Variants in PDLIM5 observed in about 807,000 individuals in gnomAD.
PDLIM5 encodes the protein PDZ and LIM domain 5, also known as PDZ and LIM domain protein 5.
A neutral mutation model predicts 64.2 loss-of-function variants in PDLIM5; 34 were observed. That is an observed-to-expected ratio of 0.53 (90% CI 0.40 to 0.71). The LOEUF (loss-of-function observed/expected upper bound fraction) is 0.71, where lower values mean the gene tolerates loss of function less well. PDLIM5 is among the 30% of genes least tolerant of loss of function. The pLI, the probability that PDLIM5 is intolerant of heterozygous loss-of-function variation, is 0.00. For missense variants in PDLIM5, 683 were observed against 733.6 expected (o/e 0.93, Z 0.80); for synonymous variants, 253 against 269.1 (o/e 0.94, Z 0.59).
At chr4:94,456,132 G>C in intron 2 of PDLIM5, 1 of 611,262 alleles carries the variant, frequency 1.6e-6, no homozygotes, top group Non-Finnish European at 2.5e-6. Flanking sequence ...GTTTCTAAAA[G>C]GTTTGTTTTT....
chr4:94,561,740 C>G (rs1733868218), intron 3 of PDLIM5, among the ~76,000 whole-genome samples: 1 of 152,184 alleles, frequency 6.6e-6, no homozygotes, highest in Non-Finnish European at 1.5e-5. Context: ...TAATACTTTT[C>G]AGATTATTTA....
chr4:94,516,022 T>G (rs964954133), intron 2 of PDLIM5, among the ~76,000 whole-genome samples: 12 of 152,232 alleles, frequency 7.9e-5, no homozygotes, highest in African/African-American at 2.7e-4. Flanking sequence ...TCAGAAGTGT[T>G]AATGAGGCAT....
chr4:94,456,354 A>G (rs961816511), intron 2 of PDLIM5: 1 of 608,448 alleles, frequency 1.6e-6, no homozygotes, highest in Non-Finnish European at 2.9e-6. Flanking sequence ...ATGTGCCACC[A>G]CGCCTGGCTA....
At position 94,667,300 on chromosome 4, in the gene PDLIM5, C is replaced by G. The variant is rs1424681991; in HGVS notation, c.*3233C>G. 6.6e-6 allele frequency: 1 copy of G among 152,208 alleles called. No individual in the cohort carries two copies. Among genetic ancestry groups the G allele is most frequent in the Non-Finnish European group, 1.5e-5 (1 of 68,048 alleles). 9.4% of individuals were successfully genotyped at this position (152,208 alleles called of 1,614,324 possible). A position where few individuals can be genotyped will look rare whatever the true frequency, so the allele number is the denominator to read the frequency against. On this transcript the variant is annotated 3_prime_UTR_variant, in exon 13 of 13. Transcript: ENST00000317968. Reference sequence around the variant, plus strand: ...AAAAGTATCCCCTGCTTATGCTTGTCCAGTTGGCCCTCCATGTCCATAGGC... The same window carrying G: ...AAAAGTATCCCCTGCTTATGCTTGTGCAGTTGGCCCTCCATGTCCATAGGC...
chr4:94,494,915 A>AT (rs950495823), intron 2 of PDLIM5, among the ~76,000 whole-genome samples: 1 of 151,694 alleles, frequency 6.6e-6, no homozygotes, highest in African/African-American at 2.4e-5. Context: ...CGCCCGGATA[A>AT]TTTTTTTGTA....
chr4:94,545,832 A>G (rs1490763833), intron 3 of PDLIM5, among the ~76,000 whole-genome samples: 2 of 152,118 alleles, frequency 1.3e-5, no homozygotes, highest in Admixed American at 6.6e-5. Flanking sequence ...TTTTTCATCT[A>G]ATTTCTTATG....
chr4:94,465,210 C>G (rs1408753847), intron 2 of PDLIM5, among the ~76,000 whole-genome samples: 1 of 152,136 alleles, frequency 6.6e-6, no homozygotes, highest in Non-Finnish European at 1.5e-5. Context: ...CCTTTGCTCT[C>G]TGAAATGTTT....
chr4:94,589,732 C>CTTTCT (rs61103869), intron 7 of PDLIM5, among the ~76,000 whole-genome samples: 30,774 of 148,402 alleles, frequency 0.21, 3,341 homozygotes, highest in African/African-American at 0.26. Flanking sequence ...CTCTTTCTTT[C>CTTTCT]TTTCTTTTCT....
chr4:94,559,330 G>A (rs1370977675), intron 3 of PDLIM5, among the ~76,000 whole-genome samples: 1 of 152,130 alleles, frequency 6.6e-6, no homozygotes, highest in African/African-American at 2.4e-5. Context: ...TTACAAGGCT[G>A]CTCTGTTGCC....
intron 2 of PDLIM5, among the ~76,000 whole-genome samples, chr4:94,481,515 C>A (rs529308632): frequency 4.9e-4 from 74 of 152,074 alleles, no homozygotes; most frequent in African/African-American, 1.8e-3. Flanking sequence ...ATCTCCTGAC[C>A]TCGTGATCTG....
intron 8 of PDLIM5, among the ~76,000 whole-genome samples, chr4:94,619,907 G>A (rs1173652170): frequency 6.6e-6 from 1 of 152,124 alleles, no homozygotes; most frequent in African/African-American, 2.4e-5. Flanking sequence ...ACAGGTGTGA[G>A]CTCTCATGCT....
In PDLIM5 at chr4:94,575,982, C is replaced by G; in HGVS notation, c.658C>G (p.Leu220Val). ...TSVCSETSQE[L>V]AEGQRRGSQG... is the part of the protein sequence containing the mutation. ...CGTGTGTTCCGAGACTTCTCAGGAG[C>G]TAGCAGAGGGACAGAGAAGAGGATC... is the stretch of plus-strand genomic sequence containing the variant. Residue 220 changes from leucine to valine, a missense_variant, in exon 5 of 13, where the codon CTA becomes GTA. Physicochemically the swap from Leu to Val is conservative, Grantham distance 32. Transcript: ENST00000317968. 6.2e-7 allele frequency: 1 copy of G among 1,614,122 alleles called. No individual in the cohort carries two copies. Among genetic ancestry groups the G allele is most frequent in the South Asian group, 1.1e-5 (1 of 91,088 alleles).
At chr4:94,564,908 G>A (rs559593768) in intron 3 of PDLIM5, among the ~76,000 whole-genome samples, 4 of 151,630 alleles carry the variant, frequency 2.6e-5, no homozygotes, top group African/African-American at 4.8e-5. Flanking sequence ...CGCCCGCCTC[G>A]GCCTCCCAAA....
intron 3 of PDLIM5, among the ~76,000 whole-genome samples, chr4:94,525,184 T>C (rs914232488): frequency 2.6e-5 from 4 of 152,148 alleles, no homozygotes; most frequent in Non-Finnish European, 4.4e-5. Context: ...TTTGGGAGGC[T>C]GAGGTGGGTG....
At position 94,654,626 on chromosome 4, in the gene PDLIM5, A is replaced by G; in HGVS notation, c.1450A>G (p.Arg484Gly). 1 of 1,606,846 alleles carries G rather than the reference A, an allele frequency of 6.2e-7. No homozygotes were observed. Among genetic ancestry groups the G allele is most frequent in the Non-Finnish European group, 8.5e-7 (1 of 1,173,724 alleles). The change falls in exon 10 of 13, where the codon AGG becomes GGG. Residue 484 changes from arginine to glycine, a missense_variant. By Grantham distance (125) the Arg-to-Gly change is moderately radical (BLOSUM62 -2). Transcript: ENST00000317968. ...FFAPECGRCQ[R>G]KILGEVISAL... Reference sequence around the variant, plus strand: ...TGCCCCTGAATGTGGTCGATGCCAAAGGAAGATCCTTGGAGTAAGTATTGG... The same window carrying G: ...TGCCCCTGAATGTGGTCGATGCCAAGGGAAGATCCTTGGAGTAAGTATTGG...
At chr4:94,468,173 G>GT (rs112786580) in intron 2 of PDLIM5, among the ~76,000 whole-genome samples, 1,802 of 151,628 alleles carry the variant, frequency 0.012, 40 homozygotes, top group African/African-American at 0.041. Flanking sequence ...TTTTTTTTTG[G>GT]GATGGGGTCT....
intron 3 of PDLIM5, among the ~76,000 whole-genome samples, chr4:94,557,334 T>C (rs1270145775): frequency 6.6e-6 from 1 of 152,166 alleles, no homozygotes; most frequent in African/African-American, 2.4e-5. Flanking sequence ...TGAAGTCAGG[T>C]AGTGTGATGC....
At chr4:94,599,059 G>T (rs78901186) in intron 7 of PDLIM5, among the ~76,000 whole-genome samples, 2,085 of 152,258 alleles carry the variant, frequency 0.014, 49 homozygotes, top group African/African-American at 0.045. Flanking sequence ...TGCCTTGTAG[G>T]TTGTGTTAAG....
chr4:94,515,317 A>G (rs1380972937), intron 2 of PDLIM5, among the ~76,000 whole-genome samples: 1 of 152,174 alleles, frequency 6.6e-6, no homozygotes, highest in Non-Finnish European at 1.5e-5. Context: ...AATGTTAATG[A>G]TTAACATTTT....
Sources: allele counts gnomAD v4.1 joint callset (sites outside exome capture counted in the v4.1 genomes callset), GRCh38; gene constraint gnomAD v4.1.1; transcripts MANE v1.5; gene names NCBI Gene and HGNC (gene_info 2026-07-23, HGNC 2026-07-21).